The following EML6 variants were observed in gnomAD, a reference collection of about 807,000 sequenced individuals.
EML6 encodes echinoderm microtubule-associated protein-like 6.
In EML6, 154 loss-of-function variants were observed where a neutral mutation model predicts 240.1. The observed-to-expected ratio is 0.64, with a 90% CI of 0.56 to 0.73. The LOEUF is 0.73. Ranked by LOEUF, EML6 falls within the 30% of genes least tolerant of loss-of-function variation. The pLI, the probability that EML6 is intolerant of heterozygous loss-of-function variation, is 0.00. For synonymous variants in EML6, 1,148 were observed against 899.0 expected, an observed-to-expected ratio of 1.28 and a Z score of -4.95; for missense variants, 2,964 against 2,474.6, an observed-to-expected ratio of 1.20 and a Z score of -4.20.
intron 8 of EML6, among the ~76,000 whole-genome samples, chr2:54,844,774 G>A (rs1429170541): frequency 1.3e-5 from 2 of 152,142 alleles, no homozygotes; most frequent in South Asian, 4.1e-4. Context: ...TAGTTTACTC[G>A]GAGCCTCCAG....
At chr2:54,926,964 G>T (rs1035967825) in intron 26 of EML6, among the ~76,000 whole-genome samples, 1 of 152,170 alleles carries the variant, frequency 6.6e-6, no homozygotes, top group African/African-American at 2.4e-5. Context: ...GAAACAGCTT[G>T]CATTTGTAGT....
At chr2:54,958,860 T>G (rs1185336966) in intron 33 of EML6, among the ~76,000 whole-genome samples, 1 of 152,046 alleles carries the variant, frequency 6.6e-6, no homozygotes, top group Non-Finnish European at 1.5e-5. Flanking sequence ...TGCACAGCTG[T>G]GCTCAGAGGG....
At chr2:54,870,692 T>TG (rs1270736672) in intron 15 of EML6, among the ~76,000 whole-genome samples, 5 of 147,432 alleles carry the variant, frequency 3.4e-5, no homozygotes, top group African/African-American at 1.3e-4. Context: ...GCCAGAGGTG[T>TG]TTTTTTTTTA....
chr2:54,794,965 A>G (rs1669677281), intron 2 of EML6, among the ~76,000 whole-genome samples: 2 of 152,114 alleles, frequency 1.3e-5, no homozygotes, highest in Non-Finnish European at 2.9e-5. Context: ...CACTGACCAC[A>G]CTAGGTCCCA....
At chr2:54,905,991 T>C (rs1397395175) in intron 24 of EML6, among the ~76,000 whole-genome samples, 1 of 152,244 alleles carries the variant, frequency 6.6e-6, no homozygotes, top group Non-Finnish European at 1.5e-5. Context: ...TGAACATGGA[T>C]GTACAAATAT....
chr2:54,799,535 A>AG (rs1286900253), intron 2 of EML6, among the ~76,000 whole-genome samples: 2 of 151,832 alleles, frequency 1.3e-5, no homozygotes, highest in Non-Finnish European at 2.9e-5. Context: ...TAGTAGAGAC[A>AG]GGTTTCACCA....
chr2:54,878,006 A>C lies in EML6; in HGVS notation c.2345-1541A>C, dbSNP rs530320563. Among the ~76,000 whole-genome samples the C allele has an allele frequency of 4.6e-5, 7 of 152,378 alleles. No homozygotes were observed. The South Asian group carries it at 1.4e-3, about 32-fold the overall frequency. On this transcript the variant is annotated intron_variant, in intron 16 of 41. Coordinates refer to ENST00000356458, the MANE Select transcript of EML6 (RefSeq NM_001039753.4). The stretch of plus-strand genomic sequence containing the variant: ...TTAGCAATTGAGATGGGGTTGCCAG[A>C]TTAAGCCAACAAAATTTTAGGAAGC...
chr2:54,923,940 A>T (rs998389185), intron 26 of EML6, among the ~76,000 whole-genome samples: 1 of 152,284 alleles, frequency 6.6e-6, no homozygotes, highest in Middle Eastern at 3.4e-3. Flanking sequence ...AGATTTATCC[A>T]TGTTGTTGCA....
Position 54,968,878 on chromosome 2 carries a change from G to A in EML6, c.5852+110G>A, listed in dbSNP as rs895129520. ...TCCCAGGGGCATGAGGAGGGCTGATGTGGGGCTAATAAACAGGAAATTCCA... is the reference window on the plus strand; with the variant it reads ...TCCCAGGGGCATGAGGAGGGCTGATATGGGGCTAATAAACAGGAAATTCCA... On this transcript the variant is annotated intron_variant, in intron 41 of 41. Coordinates refer to ENST00000356458, the MANE Select transcript of EML6 (RefSeq NM_001039753.4). 10 of 622,000 alleles carry A rather than the reference G, an allele frequency of 1.6e-5. No individual in the cohort carries two copies. In the African/African-American group the frequency reaches 1.8e-4, roughly 11 times the overall value. 38.5% of individuals were successfully genotyped at this position (622,000 alleles called of 1,614,324 possible).
chr2:54,907,525 T>C (rs1268097132), intron 24 of EML6, among the ~76,000 whole-genome samples: 2 of 152,082 alleles, frequency 1.3e-5, no homozygotes, highest in Non-Finnish European at 2.9e-5. Context: ...ATAATAAAAA[T>C]GACAATTTGA....
Position 54,865,099 on chromosome 2 carries a change from G to A in EML6, c.1932+1210G>A, listed in dbSNP as rs554601937. ...CAAACACTAAACAATATTATACTCT[G>A]GTATCAGGAGACAATAAAATTTAAA... On this transcript the variant is annotated intron_variant, in intron 13 of 41. Coordinates refer to ENST00000356458, the MANE Select transcript of EML6 (RefSeq NM_001039753.4). Among the ~76,000 whole-genome samples, 6 of 152,192 alleles carry A rather than the reference G, an allele frequency of 3.9e-5. No homozygotes were observed. The South Asian group carries it at 1.2e-3, about 32-fold the overall frequency.
chr2:54,884,885 A>G (rs1294728424), intron 17 of EML6, among the ~76,000 whole-genome samples: 1 of 152,178 alleles, frequency 6.6e-6, no homozygotes. Flanking sequence ...CAATCAAGAA[A>G]TCATTGGGCT....
chr2:54,760,062 C>A (rs1667912572), intron 2 of EML6, among the ~76,000 whole-genome samples: 1 of 151,842 alleles, frequency 6.6e-6, no homozygotes, highest in Admixed American at 6.6e-5. Context: ...ATTTAAATAG[C>A]CTAACTTCCA....
At chr2:54,826,608 C>T (rs999311328) in intron 5 of EML6, among the ~76,000 whole-genome samples, 1 of 152,024 alleles carries the variant, frequency 6.6e-6, no homozygotes, top group African/African-American at 2.4e-5. Context: ...CCCACCTGCC[C>T]CCCCAAAAAA....
At chr2:54,822,291 G>T (rs1405237230) in intron 5 of EML6, among the ~76,000 whole-genome samples, 1 of 152,142 alleles carries the variant, frequency 6.6e-6, no homozygotes, top group Non-Finnish European at 1.5e-5. Context: ...TGGTAGAGAG[G>T]GGTAAGCTGA....
Position 54,949,018 on chromosome 2 carries a change from C to T in EML6, c.4083+58C>T, listed in dbSNP as rs1573201488. On this transcript the variant is annotated intron_variant, in intron 29 of 41. Coordinates refer to ENST00000356458, the MANE Select transcript of EML6 (RefSeq NM_001039753.4). ...GACGTTCTAAGACATACCTGGTAGA[C>T]ATCCCCATCTGCACGTCCCAAAGAC... is the stretch of plus-strand genomic sequence containing the variant. 5.6e-6 allele frequency: 7 copies of T among 1,258,830 alleles called. No individual in the cohort carries two copies. The East Asian group carries it at 1.3e-4, about 23-fold the overall frequency. The allele number at this position is 1,258,830 out of a possible 1,614,324, so 78.0% of individuals were successfully genotyped here.
At chr2:54,844,669 C>T (rs1669652870) in intron 8 of EML6, among the ~76,000 whole-genome samples, 1 of 152,156 alleles carries the variant, frequency 6.6e-6, no homozygotes, top group Admixed American at 6.5e-5. Flanking sequence ...TCAAAATTGT[C>T]TTTAGCACAT....
chr2:54,950,827 C>A lies in EML6; in HGVS notation c.4213+48C>A, dbSNP rs1353259167. On this transcript the variant is annotated intron_variant, in intron 30 of 41. Transcript: ENST00000356458. ...AGGTTTTTCTTTTAGCTGTTTTTTA[C>A]ATGCTTTCCCCACTCTTTAGATGCC... is the stretch of plus-strand genomic sequence containing the variant. The A allele has an allele frequency of 7.9e-6, 12 of 1,527,626 alleles. No homozygotes were observed. The African/African-American group carries it at 1.7e-4, about 21-fold the overall frequency. 94.6% of individuals were successfully genotyped at this position (1,527,626 alleles called of 1,614,324 possible).
chr2:54,964,218 T>G, intron 37 of EML6, 60 bp downstream of exon 37: 1 of 1,492,564 alleles, frequency 6.7e-7, no homozygotes, highest in Non-Finnish European at 9.0e-7. Flanking sequence ...TTACCAGTGG[T>G]TCCCATTCCA....
Sources: allele counts gnomAD v4.1 joint callset (sites outside exome capture counted in the v4.1 genomes callset), GRCh38; gene constraint gnomAD v4.1.1; transcripts MANE v1.5; gene names NCBI Gene and HGNC (gene_info 2026-07-23, HGNC 2026-07-21).